The following UBAC2 variants were observed in gnomAD, a reference collection of about 807,000 sequenced individuals.
UBAC2 encodes the protein UBA domain containing 2.
UBAC2 carries 26 observed loss-of-function variants against 44.0 expected under a neutral mutation model. The ratio of observed to expected loss-of-function variants is 0.59; its 90% confidence interval spans 0.43 to 0.82. The LOEUF (loss-of-function observed/expected upper bound fraction) is 0.82. Ranked by LOEUF, UBAC2 falls within the 40% of genes least tolerant of loss-of-function variation. UBAC2 has a pLI of 0.00. For synonymous variants in UBAC2, 155 were observed against 154.3 expected, an observed-to-expected ratio of 1.00 and a Z score of -0.04; for missense variants, 329 against 419.4, an observed-to-expected ratio of 0.78 and a Z score of 1.88.
chr13:99,356,382 C>T (rs1389119390), intron 7 of UBAC2, among the ~76,000 whole-genome samples: 1 of 152,190 alleles, frequency 6.6e-6, no homozygotes, highest in East Asian at 1.9e-4. Flanking sequence ...AGAGGGCAGC[C>T]GATAGTTGGA....
At chr13:99,228,002 G>A (rs1341577643) in intron 1 of UBAC2, among the ~76,000 whole-genome samples, 4 of 152,192 alleles carry the variant, frequency 2.6e-5, no homozygotes, top group Non-Finnish European at 1.5e-5. Flanking sequence ...TGAGACTTGA[G>A]ACCAAGAATT....
intron 7 of UBAC2, among the ~76,000 whole-genome samples, chr13:99,357,015 T>C (rs1352401049): frequency 2.0e-5 from 3 of 152,254 alleles, no homozygotes; most frequent in Non-Finnish European, 4.4e-5. Flanking sequence ...TGTATTGTGC[T>C]CACTCTTGTA....
chr13:99,210,699 A>G (rs1459581278), intron 1 of UBAC2, among the ~76,000 whole-genome samples: 1 of 151,460 alleles, frequency 6.6e-6, no homozygotes, highest in Non-Finnish European at 1.5e-5. Context: ...CTGGTCTCAA[A>G]CTCCCGACCT....
chr13:99,345,452 G>T (rs1358324572), intron 7 of UBAC2, among the ~76,000 whole-genome samples: 1 of 152,136 alleles, frequency 6.6e-6, no homozygotes, highest in Admixed American at 6.5e-5. Context: ...CTGGGCTGAT[G>T]CTGTACTCTG....
intron 1 of UBAC2, among the ~76,000 whole-genome samples, chr13:99,211,582 A>G (rs1268683509): frequency 6.6e-6 from 1 of 152,218 alleles, no homozygotes; most frequent in Admixed American, 6.5e-5. Flanking sequence ...CTTAATTCTC[A>G]TAACAGCCCT....
At chr13:99,373,863 A>G (rs2045443706) in intron 8 of UBAC2, among the ~76,000 whole-genome samples, 1 of 152,198 alleles carries the variant, frequency 6.6e-6, no homozygotes, top group East Asian at 1.9e-4. Context: ...AAGAAACACC[A>G]TCATTGGGTT....
At position 99,325,627 on chromosome 13, in the gene UBAC2, G is replaced by GA. The variant is rs1415834187; in HGVS notation, c.561+7560dup. ...GACTATAGGTATGGGGTTGTGCAGC[G>GA]AATCTCTGGAGCTTATCGCTCTTGC... On this transcript the variant is annotated intron_variant, in intron 6 of 8. Transcript: ENST00000403766. 2.6e-5 allele frequency among the ~76,000 whole-genome samples: 4 copies of GA among 152,254 alleles called. No homozygotes were observed. In the East Asian group the frequency reaches 7.7e-4, roughly 29 times the overall value.
chr13:99,242,352 G>T (rs545044373), intron 2 of UBAC2, among the ~76,000 whole-genome samples: 61 of 129,984 alleles, frequency 4.7e-4, no homozygotes, highest in Middle Eastern at 5.4e-3. Context: ...CCTCCCTCCC[G>T]GACGGGGCGG....
chr13:99,310,484 G>T (rs867721139), intron 4 of UBAC2, among the ~76,000 whole-genome samples: 1 of 152,196 alleles, frequency 6.6e-6, no homozygotes, highest in Middle Eastern at 3.2e-3. Context: ...ACAGTATAGA[G>T]AACAGATGTT....
At chr13:99,212,272 T>A (rs1026377168) in intron 1 of UBAC2, among the ~76,000 whole-genome samples, 12 of 152,230 alleles carry the variant, frequency 7.9e-5, no homozygotes, top group African/African-American at 2.7e-4. Flanking sequence ...TTTTGAAGTG[T>A]GCTTTGTGAA....
intron 5 of UBAC2, among the ~76,000 whole-genome samples, chr13:99,316,222 A>G (rs946386311): frequency 6.6e-6 from 1 of 152,100 alleles, no homozygotes; most frequent in African/African-American, 2.4e-5. Context: ...CTTAGCATGA[A>G]TGGCATGCAG....
At chr13:99,251,520 A>G (rs930383442) in intron 4 of UBAC2, among the ~76,000 whole-genome samples, 3 of 152,158 alleles carry the variant, frequency 2.0e-5, no homozygotes, top group African/African-American at 4.8e-5. Flanking sequence ...TTTTACAGTA[A>G]TTCTCTTAAC....
At chr13:99,272,907 C>G (rs1229620103) in intron 4 of UBAC2, among the ~76,000 whole-genome samples, 1 of 151,592 alleles carries the variant, frequency 6.6e-6, no homozygotes, top group Non-Finnish European at 1.5e-5. Flanking sequence ...CTGCTTTACT[C>G]TCTATTCCAT....
chr13:99,255,923 G>A, intron 4 of UBAC2: 1 of 1,438,046 alleles, frequency 7.0e-7, no homozygotes, highest in South Asian at 1.5e-5. Context: ...AAATAGTTAA[G>A]AAAAATAAGA....
intron 1 of UBAC2, among the ~76,000 whole-genome samples, chr13:99,222,626 G>A (rs2043063300): frequency 6.6e-6 from 1 of 152,174 alleles, no homozygotes; most frequent in Admixed American, 6.5e-5. Flanking sequence ...GGCAGGATGA[G>A]AATGGTTTCA....
chr13:99,318,749 G>C (rs1244649837), intron 6 of UBAC2, among the ~76,000 whole-genome samples: 1 of 148,176 alleles, frequency 6.7e-6, no homozygotes, highest in African/African-American at 2.5e-5. Flanking sequence ...TGGAACCCGA[G>C]AGGTGGAGCT....
intron 4 of UBAC2, among the ~76,000 whole-genome samples, chr13:99,297,691 G>A (rs1231097454): frequency 6.6e-6 from 1 of 151,760 alleles, no homozygotes; most frequent in Admixed American, 6.6e-5. Flanking sequence ...AGAGACAATG[G>A]GAAAAAAACA....
rs575394425 is a variant in UBAC2, at chr13:99,316,261, C to G, written c.514-1761C>G. Among the ~76,000 whole-genome samples the G allele has an allele frequency of 1.4e-4, 22 of 152,064 alleles. No individual in the cohort carries two copies. The South Asian group carries it at 4.4e-3, about 30-fold the overall frequency. On this transcript the variant is annotated intron_variant, in intron 5 of 8. Coordinates refer to ENST00000403766, the MANE Select transcript of UBAC2 (RefSeq NM_001144072.2). ...TCTTCTTGACTGTCTGGTGTCAACTCCCCCTGTGCCCACCTTGAAGGAGTG... is the reference window on the plus strand; with the variant it reads ...TCTTCTTGACTGTCTGGTGTCAACTGCCCCTGTGCCCACCTTGAAGGAGTG...
chr13:99,236,260 G>A (rs1206701198), intron 1 of UBAC2, among the ~76,000 whole-genome samples: 2 of 152,140 alleles, frequency 1.3e-5, no homozygotes, highest in South Asian at 2.1e-4. Context: ...AGTCAACAAA[G>A]AGATAACCCA....
Sources: gnomAD v4.1 joint callset for allele counts (sites outside exome capture counted in the v4.1 genomes callset) on GRCh38, gnomAD v4.1.1 for gene constraint, MANE v1.5 for transcripts, NCBI Gene and HGNC (gene_info 2026-07-23, HGNC 2026-07-21) for gene names.